PTPRN2: variants seen among roughly 807,000 people sequenced by gnomAD.
PTPRN2 encodes protein tyrosine phosphatase receptor type N2, also known as receptor-type tyrosine-protein phosphatase N2.
In PTPRN2, 74 loss-of-function variants were observed where a neutral mutation model predicts 118.8. The ratio of observed to expected loss-of-function variants is 0.62; its 90% CI spans 0.52 to 0.76. The LOEUF (loss-of-function observed/expected upper bound fraction) is 0.76, where lower values mean the gene tolerates loss of function less well. PTPRN2 is among the 30% of genes least tolerant of loss of function. The pLI is 0.00. For missense variants in PTPRN2, 1,481 were observed against 1,394.4 expected (o/e 1.06, Z -0.99); for synonymous variants, 641 against 608.0 (o/e 1.05, Z -0.80).
chr7:158,418,576 G>A (rs142770374), intron 2 of PTPRN2, among the ~76,000 whole-genome samples: 2,955 of 139,948 alleles, frequency 0.021, 106 homozygotes, highest in African/African-American at 0.073. Flanking sequence ...GTTAAGTCAC[G>A]GTGTACTACA....
intron 2 of PTPRN2, among the ~76,000 whole-genome samples, chr7:158,454,961 A>C (rs1818362205): frequency 6.6e-6 from 1 of 152,176 alleles, no homozygotes; most frequent in African/African-American, 2.4e-5. Context: ...GGCTGCCTCC[A>C]CGCAGCCCAC....
chr7:158,144,965 A>ATCGCGAGAAGGTTCCAGAATACCACGGC (rs1189735784), intron 6 of PTPRN2, among the ~76,000 whole-genome samples: 1 of 141,596 alleles, frequency 7.1e-6, no homozygotes, highest in African/African-American at 2.7e-5. Flanking sequence ...CCCTCACATC[A>ATCGCGAGAAGGTTCCAGAATACCACGGC]TCGCAAGAAG....
chr7:158,081,431 T>C, intron 10 of PTPRN2, 54 bp from the exon 11 acceptor site: 2 of 1,540,702 alleles, frequency 1.3e-6, no homozygotes, highest in Non-Finnish European at 1.8e-6. Context: ...GCCACACCGC[T>C]TTTCTGAAAA....
At chr7:157,820,460 C>A (rs1806756208) in intron 12 of PTPRN2, among the ~76,000 whole-genome samples, 1 of 151,752 alleles carries the variant, frequency 6.6e-6, no homozygotes, top group Admixed American at 6.6e-5. Context: ...CACACACATG[C>A]ACACAAACAC....
At chr7:157,833,017 G>A (rs1291775000) in intron 12 of PTPRN2, among the ~76,000 whole-genome samples, 13 of 152,138 alleles carry the variant, frequency 8.5e-5, no homozygotes, top group South Asian at 2.1e-4. Flanking sequence ...AGATGTGGCC[G>A]GTGCCCATCC....
At chr7:157,962,336 C>A (rs79135286) in intron 11 of PTPRN2, among the ~76,000 whole-genome samples, 2,172 of 147,498 alleles carry the variant, frequency 0.015, 51 homozygotes, top group African/African-American at 0.052. Context: ...ATTCCACCAG[C>A]GGGAGCGTTA....
intron 1 of PTPRN2, among the ~76,000 whole-genome samples, chr7:158,564,630 C>G (rs80219496): frequency 0.018 from 2,804 of 152,344 alleles, 89 homozygotes; most frequent in African/African-American, 0.065. Flanking sequence ...CCTTCATGCC[C>G]CAGGAATACC....
chr7:158,086,731 T>C (rs1330542116), intron 10 of PTPRN2, among the ~76,000 whole-genome samples: 1 of 152,244 alleles, frequency 6.6e-6, no homozygotes, highest in Admixed American at 6.5e-5. Context: ...TCAGGCAACC[T>C]GAACTTTATG....
intron 11 of PTPRN2, among the ~76,000 whole-genome samples, chr7:157,931,527 C>T (rs1309375182): frequency 6.6e-6 from 1 of 152,214 alleles, no homozygotes; most frequent in Non-Finnish European, 1.5e-5. Flanking sequence ...CTTAATCTAA[C>T]CCTGTTCTCA....
At chr7:158,476,880 G>C (rs1421094408) in intron 2 of PTPRN2, among the ~76,000 whole-genome samples, 1 of 152,210 alleles carries the variant, frequency 6.6e-6, no homozygotes, top group Non-Finnish European at 1.5e-5. Context: ...CAGAGCCATT[G>C]GGTGGGGTCA....
At chr7:158,377,992 C>T (rs1029446699) in intron 2 of PTPRN2, among the ~76,000 whole-genome samples, 6 of 152,236 alleles carry the variant, frequency 3.9e-5, no homozygotes, top group East Asian at 1.9e-4. Context: ...GCGCTAGCTC[C>T]GGGTTTTCTG....
At chr7:158,531,906 G>A (rs777926917) in intron 1 of PTPRN2, among the ~76,000 whole-genome samples, 1 of 152,182 alleles carries the variant, frequency 6.6e-6, no homozygotes, top group Non-Finnish European at 1.5e-5. Context: ...GCACTCACAC[G>A]TGCCTAAACA....
At chr7:158,193,166 G>C (rs1323809031) in intron 4 of PTPRN2, among the ~76,000 whole-genome samples, 1 of 152,222 alleles carries the variant, frequency 6.6e-6, no homozygotes, top group Non-Finnish European at 1.5e-5. Context: ...CTTCCCGTGG[G>C]CAGACACATG....
intron 1 of PTPRN2, among the ~76,000 whole-genome samples, chr7:158,497,829 A>T (rs1822064232): frequency 6.6e-6 from 1 of 152,198 alleles, no homozygotes; most frequent in Admixed American, 6.5e-5. Context: ...TCCTGCGGGG[A>T]CACCTGTCCG....
intron 1 of PTPRN2, among the ~76,000 whole-genome samples, chr7:158,519,124 C>G (rs1823791632): frequency 6.6e-6 from 1 of 152,200 alleles, no homozygotes; most frequent in Non-Finnish European, 1.5e-5. Context: ...TGCAGCATCT[C>G]AGGCCACACA....
chr7:157,800,798 A>G (rs1018807233), intron 12 of PTPRN2, among the ~76,000 whole-genome samples: 1 of 151,818 alleles, frequency 6.6e-6, no homozygotes, highest in Non-Finnish European at 1.5e-5. Context: ...TAAAAATACA[A>G]AAAACCAGCC....
At position 158,359,163 on chromosome 7, in the gene PTPRN2, G is replaced by A. The variant is rs554960136; in HGVS notation, c.164-42231C>T. ...CCGGCGAGTCCCTGCTCAGACCCCAGAAATCCAAAGTGATTCACGCACAGG... is the reference window on the plus strand; with the variant it reads ...CCGGCGAGTCCCTGCTCAGACCCCAAAAATCCAAAGTGATTCACGCACAGG... On this transcript the variant is annotated intron_variant, in intron 2 of 22. Transcript: ENST00000389418. Among the ~76,000 whole-genome samples the A allele has an allele frequency of 5.3e-5, 8 of 152,250 alleles. No homozygotes were observed. The South Asian group carries it at 1.7e-3, about 32-fold the overall frequency.
At chr7:157,960,021 C>T (rs1167920671) in intron 11 of PTPRN2, among the ~76,000 whole-genome samples, 1 of 152,120 alleles carries the variant, frequency 6.6e-6, no homozygotes, top group East Asian at 1.9e-4. Context: ...GACATTCATC[C>T]AAGCTACAAC....
chr7:157,756,083 C>T (rs1390874340), intron 12 of PTPRN2, among the ~76,000 whole-genome samples: 3 of 152,050 alleles, frequency 2.0e-5, no homozygotes, highest in Admixed American at 2.0e-4. Flanking sequence ...TAGTTTTAAC[C>T]AAAAATATAC....
Sources: gnomAD v4.1 joint callset for allele counts (sites outside exome capture counted in the v4.1 genomes callset) on GRCh38, gnomAD v4.1.1 for gene constraint, MANE v1.5 for transcripts, NCBI Gene and HGNC (gene_info 2026-07-23, HGNC 2026-07-21) for gene names.